Variants in SYTL2 observed in about 807,000 individuals in gnomAD.
SYTL2 encodes synaptotagmin like 2.
In SYTL2, 165 loss-of-function variants were observed where a neutral mutation model predicts 198.7. The ratio of observed to expected loss-of-function variants is 0.83; its 90% CI spans 0.73 to 0.94. The LOEUF is 0.94. Among genes scored for constraint, SYTL2 ranks in the 40% least tolerant of loss-of-function variants. The probability of loss-of-function intolerance (pLI) is 0.00; values close to 1 mark genes in which losing one functional copy is unlikely to be tolerated. For synonymous variants in SYTL2, 966 were observed against 917.7 expected (o/e 1.05, Z -0.95); for missense variants, 2,835 against 2,582.8 (o/e 1.10, Z -2.12).
At chr11:85,748,939 G>A (rs1189061870) in intron 2 of SYTL2, among the ~76,000 whole-genome samples, 2 of 152,190 alleles carry the variant, frequency 1.3e-5, no homozygotes, top group African/African-American at 4.8e-5. Flanking sequence ...CATTTTGGGT[G>A]ATATGAGTTT....
At chr11:85,753,427 G>A (rs1351696080) in intron 2 of SYTL2, among the ~76,000 whole-genome samples, 1 of 152,008 alleles carries the variant, frequency 6.6e-6, no homozygotes, top group Non-Finnish European at 1.5e-5. Flanking sequence ...AGACAGTGTG[G>A]TAGCAACAGT....
the SYTL2 span, among the ~76,000 whole-genome samples, chr11:85,839,921 T>C: frequency 6.6e-6 from 1 of 152,222 alleles, no homozygotes; most frequent in Admixed American, 6.5e-5. Flanking sequence ...AGGATTCCCA[T>C]TTCTCCACAT....
At chr11:85,839,084 C>T in the SYTL2 span, among the ~76,000 whole-genome samples, 3 of 152,078 alleles carry the variant, frequency 2.0e-5, no homozygotes, top group African/African-American at 7.2e-5. Context: ...TTATTAGTTT[C>T]AGAGAAAGTC....
intron 9 of SYTL2, among the ~76,000 whole-genome samples, chr11:85,720,255 T>A (rs1416618315): frequency 6.6e-6 from 1 of 152,226 alleles, no homozygotes; most frequent in Non-Finnish European, 1.5e-5. Flanking sequence ...AGCCAGGGAC[T>A]AATTCAACTC....
chr11:85,727,111 T>C lies in SYTL2; in HGVS notation c.2247A>G (p.Pro749=), dbSNP rs1447471263. 19 of 1,535,858 alleles carry C rather than the reference T, an allele frequency of 1.2e-5. No homozygotes were observed. Among genetic ancestry groups the C allele is most frequent in the Non-Finnish European group, 1.6e-5 (18 of 1,146,782 alleles). Residue 749 remains proline, a synonymous_variant, in exon 8 of 20, where the codon CCA becomes CCG. Transcript: ENST00000359152. ...NTYILKASLE[P]ENIKSTPGVA... ...CCCCAGGTGTTGACTTAATATTCTC[T>C]GGCTCTAAGGAGGCTTTCAGGATAT...
In SYTL2 at chr11:85,748,321, G is replaced by A. The variant is rs754467470; in HGVS notation, c.204C>T (p.Gly68=). The A allele has an allele frequency of 9.3e-6, 15 of 1,613,814 alleles. No individual in the cohort carries two copies. The highest frequency in any genetic ancestry group is 3.3e-5 in the Admixed American group (2 of 59,966). Residue 68 remains glycine, a synonymous_variant, in exon 3 of 20, where the codon GGC becomes GGT. Coordinates refer to ENST00000359152, the MANE Select transcript of SYTL2 (RefSeq NM_206927.4). ...KAKRHRDKIH[G]ADIIRASMRK... is the part of the protein sequence containing the mutation. The stretch of plus-strand genomic sequence containing the variant: ...TCATAGATGCTCTGATGATATCTGC[G>A]CCATGGATTTTGTCCCTGTGCCTTT...
At chr11:85,814,140 G>T (rs1343747418), upstream of SYTL2, among the ~76,000 whole-genome samples, 1 of 152,170 alleles carries the variant, frequency 6.6e-6, no homozygotes, top group Non-Finnish European at 1.5e-5. Flanking sequence ...CTCAATTCCT[G>T]TTAGCTAATG....
Position 85,695,273 on chromosome 11 carries a change from C to G in SYTL2, c.6642G>C (p.Lys2214Asn). The change falls in exon 20 of 20, where the codon AAG becomes AAC. Residue 2214 changes from lysine to asparagine, a missense_variant. Transcript: ENST00000359152. The stretch of plus-strand genomic sequence containing the variant: ...TCCAAGTATTGGGGGAGTTTACCAT[C>G]TTCTCCCAGAGAGCAACTTCCTCTG... ...STSEEVALWE[K>N]MVNSPNTWIE... is the part of the protein sequence containing the mutation. 6.2e-7 allele frequency: 1 copy of G among 1,612,730 alleles called. No individual in the cohort carries two copies. The highest frequency in any genetic ancestry group is 2.2e-5 in the East Asian group (1 of 44,850).
intron 1 of SYTL2, among the ~76,000 whole-genome samples, chr11:85,789,364 A>ATG (rs1566026187): frequency 1.4e-4 from 8 of 58,508 alleles, no homozygotes; most frequent in African/African-American, 3.9e-4. Context: ...ATATATATAT[A>ATG]TATATATATA....
intron 1 of SYTL2, among the ~76,000 whole-genome samples, chr11:85,781,590 C>T (rs997910640): frequency 1.4e-4 from 21 of 152,148 alleles, no homozygotes; most frequent in African/African-American, 5.1e-4. Context: ...GTCCCTTATA[C>T]TTATGAGCCT....
At chr11:85,829,049 GTTTTT>G in the SYTL2 span, among the ~76,000 whole-genome samples, 374 of 146,456 alleles carry the variant, frequency 2.6e-3, 4 homozygotes, top group African/African-American at 8.2e-3. Flanking sequence ...AAAGAGCTCT[GTTTTT>G]TTTTTTTTGT....
At chr11:85,771,277 C>G (rs1222196308) in intron 1 of SYTL2, among the ~76,000 whole-genome samples, 2 of 152,226 alleles carry the variant, frequency 1.3e-5, no homozygotes, top group African/African-American at 4.8e-5. Flanking sequence ...GAGAAGCACA[C>G]TGGATCTCTG....
chr11:85,791,166 CAAAA>C (rs568061365), intron 1 of SYTL2, among the ~76,000 whole-genome samples: 10 of 39,528 alleles, frequency 2.5e-4, no homozygotes, highest in African/African-American at 3.8e-4. Flanking sequence ...GAGTCTGCCT[CAAAA>C]AAAAAAAAAA....
chr11:85,818,076 T>A, the SYTL2 span, among the ~76,000 whole-genome samples: 2 of 151,958 alleles, frequency 1.3e-5, no homozygotes, highest in South Asian at 2.1e-4. Context: ...CTAATTTTTG[T>A]AGTTTTAGTA....
At chr11:85,705,055 G>A (rs188729796) in intron 15 of SYTL2, 27 bp from the exon 16 acceptor site, 1 of 1,557,838 alleles carries the variant, frequency 6.4e-7, no homozygotes. Context: ...AAAATTAAAT[G>A]ATGAAAAACA....
At position 85,726,828 on chromosome 11, in the gene SYTL2, T is replaced by C. The variant is rs780579819; in HGVS notation, c.2530A>G (p.Thr844Ala). The C allele has an allele frequency of 1.8e-4, 281 of 1,536,358 alleles. 1 individual carries two copies. Among genetic ancestry groups the C allele is most frequent in the Admixed American group, 1.2e-4 (6 of 50,988 alleles). The stretch of plus-strand genomic sequence containing the variant: ...GCCTGATTATATTCACTCTGGTCTG[T>C]AGATAAACTGTCCATGGATGATACA... Reference protein sequence around the residue: ...QGVSSMDSLSTDQSEYNQAIP... With the variant: ...QGVSSMDSLSADQSEYNQAIP... Residue 844 changes from threonine (T) to alanine (A), a missense_variant, in exon 8 of 20, where the codon ACA becomes GCA. Transcript: ENST00000359152.
At chr11:85,742,442 T>A (rs958665200) in intron 4 of SYTL2, among the ~76,000 whole-genome samples, 3 of 152,188 alleles carry the variant, frequency 2.0e-5, no homozygotes, top group African/African-American at 7.2e-5. Context: ...CTCAGCCATG[T>A]CCTGTGGATT....
chr11:85,853,523 C>G, the SYTL2 span: 1 of 240,008 alleles, frequency 4.2e-6, no homozygotes, highest in African/African-American at 2.4e-5. Flanking sequence ...ACAAACACTG[C>G]GGAAGGCCAC....
At chr11:85,700,475 A>T in intron 17 of SYTL2, 40 bp downstream of exon 17, 1 of 1,496,836 alleles carries the variant, frequency 6.7e-7, no homozygotes, top group Non-Finnish European at 9.3e-7. Flanking sequence ...AGGGAGGGAT[A>T]AGGAAAGGAC....
Sources: allele counts gnomAD v4.1 joint callset (sites outside exome capture counted in the v4.1 genomes callset), GRCh38; gene constraint gnomAD v4.1.1; transcripts MANE v1.5; gene names NCBI Gene and HGNC (gene_info 2026-07-23, HGNC 2026-07-21).